Variants in EFHD1 observed in about 807,000 individuals in gnomAD.
EFHD1 encodes the protein EF-hand domain-containing protein D1.
EFHD1 carries 10 observed loss-of-function variants against 17.2 expected under a neutral mutation model. The observed-to-expected ratio is 0.58, with a 90% CI of 0.36 to 0.99. The LOEUF (loss-of-function observed/expected upper bound fraction) is 0.99. Among genes scored for constraint, EFHD1 ranks in the 50% least tolerant of loss-of-function variants. The pLI, the probability that EFHD1 is intolerant of heterozygous loss-of-function variation, is 0.01. For synonymous variants in EFHD1, 153 were observed against 142.0 expected, an observed-to-expected ratio of 1.08 and a Z score of -0.55; for missense variants, 310 against 327.5, an observed-to-expected ratio of 0.95 and a Z score of 0.41.
chr2:232,607,123 C>CT (rs918121486), intron 1 of EFHD1, among the ~76,000 whole-genome samples: 9 of 151,808 alleles, frequency 5.9e-5, no homozygotes, highest in Non-Finnish European at 8.8e-5. Context: ...TCCCGAAGTG[C>CT]TGGGACTACA....
intron 1 of EFHD1, among the ~76,000 whole-genome samples, chr2:232,622,201 C>T (rs1253404002): frequency 6.6e-6 from 1 of 152,228 alleles, no homozygotes; most frequent in East Asian, 1.9e-4. Flanking sequence ...GGCATGGTGG[C>T]TTACGCCTGT....
At chr2:232,654,992 C>T (rs1323678425) in intron 1 of EFHD1, among the ~76,000 whole-genome samples, 1 of 152,178 alleles carries the variant, frequency 6.6e-6, no homozygotes, top group African/African-American at 2.4e-5. Context: ...TCAGTTCCTC[C>T]CTTACTCGCT....
chr2:232,662,722 A>C, intron 1 of EFHD1, 80 bp from the exon 2 acceptor site: 1 of 1,527,534 alleles, frequency 6.5e-7, no homozygotes, highest in Non-Finnish European at 8.7e-7. Flanking sequence ...TTTTTCGATG[A>C]ATGAAGCCAA....
chr2:232,631,706 AC>A (rs869241297), upstream of EFHD1, among the ~76,000 whole-genome samples: 65 of 138,128 alleles, frequency 4.7e-4, 2 homozygotes, highest in African/African-American at 1.3e-3. Flanking sequence ...AAAAAAAAAA[AC>A]AAAAACAAAA....
At chr2:232,608,094 G>C (rs1693752381) in intron 1 of EFHD1, among the ~76,000 whole-genome samples, 1 of 152,182 alleles carries the variant, frequency 6.6e-6, no homozygotes, top group South Asian at 2.1e-4. Context: ...TGTAGGCCGG[G>C]CGTGGTGGCT....
chr2:232,613,329 C>A (rs548810718), intron 1 of EFHD1, among the ~76,000 whole-genome samples: 2 of 152,084 alleles, frequency 1.3e-5, no homozygotes, highest in African/African-American at 4.8e-5. Flanking sequence ...GAGACTGAGG[C>A]AGAAGAATCA....
chr2:232,645,208 G>A, intron 1 of EFHD1, among the ~76,000 whole-genome samples: 1 of 152,134 alleles, frequency 6.6e-6, no homozygotes, highest in South Asian at 2.1e-4. Context: ...CATCCTTCCA[G>A]GCCAGGCAGA....
At chr2:232,610,258 G>A (rs542324815) in intron 1 of EFHD1, among the ~76,000 whole-genome samples, 2 of 152,346 alleles carry the variant, frequency 1.3e-5, no homozygotes, top group South Asian at 4.1e-4. Context: ...GTTGGGTGTG[G>A]GAGTGCCCCT....
In EFHD1 at chr2:232,643,934, G is replaced by A. The variant is rs138170750; in HGVS notation, c.302+9928G>A. 2.4e-3 allele frequency among the ~76,000 whole-genome samples: 360 copies of A among 152,324 alleles called. 1 individual carries two copies. The highest frequency in any genetic ancestry group is 3.2e-3 in the Non-Finnish European group (216 of 68,030). On this transcript the variant is annotated intron_variant, in intron 1 of 3. Transcript: ENST00000264059. ...GGCAGGGAGCAGCCCATTCCTGGGG[G>A]CTCCTGAAGGCCAAATGCATAGGTC...
upstream of EFHD1, among the ~76,000 whole-genome samples, chr2:232,631,691 TAAAAA>T (rs34689384): frequency 8.6e-6 from 1 of 115,780 alleles, no homozygotes; most frequent in Non-Finnish European, 1.6e-5. Context: ...ATAAGAACAT[TAAAAA>T]AAAAAAAAAA....
chr2:232,660,752 C>T (rs1005941446), intron 1 of EFHD1, among the ~76,000 whole-genome samples: 3 of 151,988 alleles, frequency 2.0e-5, no homozygotes, highest in South Asian at 2.1e-4. Context: ...CCAAGGCGGG[C>T]GGATCATGTG....
chr2:232,644,790 C>T (rs374470346), intron 1 of EFHD1, among the ~76,000 whole-genome samples: 9 of 147,186 alleles, frequency 6.1e-5, no homozygotes, highest in African/African-American at 2.3e-4. Flanking sequence ...CTGCACCTGG[C>T]CTAATTTTTT....
At chr2:232,614,868 C>T (rs961783717) in intron 1 of EFHD1, among the ~76,000 whole-genome samples, 8 of 151,972 alleles carry the variant, frequency 5.3e-5, no homozygotes, top group Non-Finnish European at 1.0e-4. Flanking sequence ...CCCAGCTACT[C>T]GAGAGGCTGA....
chr2:232,674,010 G>A (rs773856821), intron 3 of EFHD1, among the ~76,000 whole-genome samples: 2 of 149,742 alleles, frequency 1.3e-5, no homozygotes, highest in Non-Finnish European at 3.0e-5. Context: ...CCAGGTTCAA[G>A]CAATTCTCCT....
rs777930060 is a variant in EFHD1, at chr2:232,679,453, GC to G, written c.586-2129del. Among the ~76,000 whole-genome samples, 43 of 151,812 alleles carry G rather than the reference GC, an allele frequency of 2.8e-4. 2 individuals are homozygous for G. Among genetic ancestry groups the G allele is most frequent in the East Asian group, 7.7e-4 (4 of 5,164 alleles). ...ATTGGGGCTGAGCTCAGTGGTACAT[GC>G]CCATAATCCCAGTGCTTTAAGAGGC... On this transcript the variant is annotated intron_variant, in intron 3 of 3. Transcript: ENST00000264059.
intron 1 of EFHD1, among the ~76,000 whole-genome samples, chr2:232,611,306 T>C (rs1352155288): frequency 4.4e-4 from 2 of 4,530 alleles, no homozygotes; most frequent in Admixed American, 4.7e-3. Flanking sequence ...ATCCTGGGGG[T>C]CGGGGGGGGG....
intron 1 of EFHD1, chr2:232,638,264 A>G: frequency 2.2e-6 from 1 of 451,238 alleles, no homozygotes; most frequent in Non-Finnish European, 4.6e-6. Context: ...GAGGGCAGCC[A>G]CTTAAAGGCA....
At chr2:232,645,862 T>G (rs1694517422) in intron 1 of EFHD1, among the ~76,000 whole-genome samples, 1 of 152,234 alleles carries the variant, frequency 6.6e-6, no homozygotes, top group South Asian at 2.1e-4. Flanking sequence ...AGCTGGGATT[T>G]GAACCCAAGT....
At chr2:232,654,031 A>C (rs1694706175) in intron 1 of EFHD1, among the ~76,000 whole-genome samples, 1 of 151,916 alleles carries the variant, frequency 6.6e-6, no homozygotes, top group Non-Finnish European at 1.5e-5. Flanking sequence ...ACATGGAGAA[A>C]CCCTGTCTCT....
Sources: allele counts gnomAD v4.1 joint callset (sites outside exome capture counted in the v4.1 genomes callset), GRCh38; gene constraint gnomAD v4.1.1; transcripts MANE v1.5; gene names NCBI Gene and HGNC (gene_info 2026-07-23, HGNC 2026-07-21).